ADAMTSL1: variants seen among roughly 807,000 people sequenced by gnomAD.
ADAMTSL1 encodes ADAMTS-like protein 1.
Under a neutral mutation model 201.8 loss-of-function variants are expected in ADAMTSL1, and 126 were observed. The observed-to-expected ratio is 0.62, with a 90% CI of 0.54 to 0.72. The LOEUF (loss-of-function observed/expected upper bound fraction) is 0.72. Ranked by LOEUF, ADAMTSL1 falls within the 30% of genes least tolerant of loss-of-function variation. The pLI is 0.00. For missense variants in ADAMTSL1, 2,679 were observed against 2,277.8 expected (o/e 1.18, Z -3.59); for synonymous variants, 1,121 against 903.4 (o/e 1.24, Z -4.32).
chr9:18,048,260 G>C (rs920558713), intron 1 of ADAMTSL1, among the ~76,000 whole-genome samples: 1 of 152,052 alleles, frequency 6.6e-6, no homozygotes, highest in African/African-American at 2.4e-5. Flanking sequence ...GTAGTCTTTT[G>C]GTGGATCTAT....
intron 3 of ADAMTSL1, among the ~76,000 whole-genome samples, chr9:18,543,136 C>T (rs1273122557): frequency 6.6e-6 from 1 of 152,090 alleles, no homozygotes; most frequent in African/African-American, 2.4e-5. Context: ...GAATTATATC[C>T]CAGGGGACAA....
intron 15 of ADAMTSL1, among the ~76,000 whole-genome samples, chr9:18,738,741 G>A (rs1352726762): frequency 1.3e-5 from 2 of 152,216 alleles, no homozygotes; most frequent in African/African-American, 4.8e-5. Context: ...TATTGTAAAT[G>A]TGGGAGGCAA....
chr9:18,480,440 C>G (rs919757015), intron 1 of ADAMTSL1, among the ~76,000 whole-genome samples: 2 of 152,146 alleles, frequency 1.3e-5, no homozygotes, highest in Non-Finnish European at 2.9e-5. Context: ...TAAGGAATGG[C>G]AAAGCCACCA....
rs533951120 is a variant in ADAMTSL1, at chr9:17,963,475, C to T, written c.87+56553C>T. 8.5e-5 allele frequency among the ~76,000 whole-genome samples: 13 copies of T among 152,162 alleles called. No homozygotes were observed. The South Asian group carries it at 2.5e-3, about 29-fold the overall frequency. On this transcript the variant is annotated intron_variant, in intron 1 of 29. Coordinates refer to the ADAMTSL1 transcript ENST00000680146. ...TTGTTAAAGTAATAAAATTTGGCAGCAGGATTGTTCAAATTGAGATTAAAG... is the reference window on the plus strand; with the variant it reads ...TTGTTAAAGTAATAAAATTTGGCAGTAGGATTGTTCAAATTGAGATTAAAG...
chr9:17,932,195 C>T (rs1250457313), intron 1 of ADAMTSL1, among the ~76,000 whole-genome samples: 1 of 152,178 alleles, frequency 6.6e-6, no homozygotes, highest in Non-Finnish European at 1.5e-5. Context: ...AAGCAGTGCT[C>T]CTTTCTTGCA....
At chr9:18,003,506 C>T (rs528048783) in intron 1 of ADAMTSL1, among the ~76,000 whole-genome samples, 30 of 152,188 alleles carry the variant, frequency 2.0e-4, no homozygotes, top group Non-Finnish European at 3.7e-4. Context: ...TCTTTCCCAT[C>T]GGCATGACCT....
intron 23 of ADAMTSL1, among the ~76,000 whole-genome samples, chr9:18,838,210 C>G (rs1466121589): frequency 6.6e-6 from 1 of 152,070 alleles, no homozygotes; most frequent in Non-Finnish European, 1.5e-5. Context: ...CATCAGATCT[C>G]ATGAGACTCA....
chr9:18,413,772 A>C (rs1402845089), intron 2 of ADAMTSL1, among the ~76,000 whole-genome samples: 1 of 152,174 alleles, frequency 6.6e-6, no homozygotes, highest in Non-Finnish European at 1.5e-5. Flanking sequence ...CTCTTTCCTC[A>C]CACAGCTTCC....
intron 3 of ADAMTSL1, among the ~76,000 whole-genome samples, chr9:18,551,339 T>G (rs949998361): frequency 2.0e-5 from 3 of 152,042 alleles, no homozygotes; most frequent in South Asian, 2.1e-4. Context: ...TTAGGACAAT[T>G]TGCCTCTATG....
intron 2 of ADAMTSL1, chr9:18,362,034 G>C (rs1008227337): frequency 6.6e-6 from 1 of 152,164 alleles, no homozygotes; most frequent in Non-Finnish European, 1.5e-5. Context: ...GTGTTGTCAA[G>C]CACAAAGAAT....
At chr9:18,630,425 T>C (rs1270737102) in intron 5 of ADAMTSL1, among the ~76,000 whole-genome samples, 1 of 152,232 alleles carries the variant, frequency 6.6e-6, no homozygotes, top group Non-Finnish European at 1.5e-5. Flanking sequence ...GGAAACCCTC[T>C]TGGGTGTCCA....
intron 2 of ADAMTSL1, among the ~76,000 whole-genome samples, chr9:18,316,164 G>A (rs547553980): frequency 4.6e-5 from 7 of 152,246 alleles, no homozygotes; most frequent in Non-Finnish European, 7.4e-5. Context: ...TACTTTACAC[G>A]GTAATAGAAT....
intron 2 of ADAMTSL1, among the ~76,000 whole-genome samples, chr9:18,227,794 C>T (rs1944754): frequency 0.99 from 150,895 of 152,254 alleles, 74,786 homozygotes; most frequent in Middle Eastern, 1. Context: ...TGTTATAATA[C>T]ATCATATCAT....
intron 1 of ADAMTSL1, among the ~76,000 whole-genome samples, chr9:18,091,647 T>C (rs1326948728): frequency 6.6e-6 from 1 of 152,176 alleles, no homozygotes; most frequent in African/African-American, 2.4e-5. Context: ...TGTCACTTAA[T>C]TTTTTTGGAT....
chr9:18,035,737 G>C (rs1188081238), intron 1 of ADAMTSL1, among the ~76,000 whole-genome samples: 1 of 152,034 alleles, frequency 6.6e-6, no homozygotes, highest in Non-Finnish European at 1.5e-5. Context: ...GTCTTTACTA[G>C]TATTTAAGCT....
intron 2 of ADAMTSL1, among the ~76,000 whole-genome samples, chr9:18,190,349 A>T (rs946923929): frequency 2.0e-5 from 3 of 152,200 alleles, no homozygotes; most frequent in African/African-American, 7.2e-5. Context: ...ATTTAAATGG[A>T]AAATCCATCT....
chr9:17,922,547 C>A (rs1298108476), intron 1 of ADAMTSL1, among the ~76,000 whole-genome samples: 1 of 152,118 alleles, frequency 6.6e-6, no homozygotes, highest in Non-Finnish European at 1.5e-5. Context: ...TTCCCCCTCA[C>A]CCACATAACC....
intron 2 of ADAMTSL1, among the ~76,000 whole-genome samples, chr9:18,276,440 A>G (rs1170815767): frequency 6.6e-6 from 1 of 151,898 alleles, no homozygotes; most frequent in Non-Finnish European, 1.5e-5. Context: ...AGATTTTCCC[A>G]TTTTCTTCTC....
rs113736512 is a variant in ADAMTSL1, at chr9:17,938,339, T to C, written c.87+31417T>C. 3.3e-5 allele frequency among the ~76,000 whole-genome samples: 5 copies of C among 152,256 alleles called. 1 individual carries two copies. The highest frequency in any genetic ancestry group is 1.2e-4 in the African/African-American group (5 of 41,556). ...TGAGTAACATGAATTTCATGTAATT[T>C]GAGTCTTGAAAATTTCATAAGGTTT... On this transcript the variant is annotated intron_variant, in intron 1 of 29. Transcript: ENST00000680146.
Sources: gnomAD v4.1 joint callset for allele counts (sites outside exome capture counted in the v4.1 genomes callset) on GRCh38, gnomAD v4.1.1 for gene constraint, MANE v1.5 for transcripts, NCBI Gene and HGNC (gene_info 2026-07-23, HGNC 2026-07-21) for gene names.